IQSEC1: variants seen among roughly 807,000 people sequenced by gnomAD.
IQSEC1 encodes IQ motif and SEC7 domain-containing protein 1.
In IQSEC1, 31 loss-of-function variants were observed where a neutral mutation model predicts 91.0. The observed-to-expected ratio is 0.34, with a 90% CI of 0.26 to 0.46. The LOEUF is 0.46. Ranked by LOEUF, IQSEC1 falls within the 20% of genes least tolerant of loss-of-function variation. IQSEC1 has a pLI of 1.00. For synonymous variants in IQSEC1, 699 were observed against 662.6 expected, an observed-to-expected ratio of 1.05 and a Z score of -0.84; for missense variants, 1,388 against 1,575.6, an observed-to-expected ratio of 0.88 and a Z score of 2.02.
At chr3:12,929,996 A>G (rs547046010) in intron 3 of IQSEC1, among the ~76,000 whole-genome samples, 10 of 152,206 alleles carry the variant, frequency 6.6e-5, no homozygotes, top group Non-Finnish European at 1.2e-4. Flanking sequence ...CTGCACACGC[A>G]TCTCTCATCG....
At chr3:13,234,917 T>C (rs1002852362) in intron 1 of IQSEC1, among the ~76,000 whole-genome samples, 3 of 152,156 alleles carry the variant, frequency 2.0e-5, no homozygotes, top group South Asian at 2.1e-4. Flanking sequence ...CAAATGTGAT[T>C]TGAGTTTGCC....
chr3:12,955,002 G>A (rs943034723), intron 1 of IQSEC1, among the ~76,000 whole-genome samples: 6 of 152,210 alleles, frequency 3.9e-5, no homozygotes, highest in South Asian at 2.1e-4. Context: ...TGGGGGCACC[G>A]AAGCCTGGAG....
chr3:13,108,080 C>T (rs942210593), intron 2 of IQSEC1, among the ~76,000 whole-genome samples: 2 of 152,240 alleles, frequency 1.3e-5, no homozygotes, highest in African/African-American at 4.8e-5. Flanking sequence ...GCCTGGAACC[C>T]ACCAGTCTAC....
chr3:12,922,303 A>ACCC lies in IQSEC1; in HGVS notation c.1731-64_1731-62dup. ...CTTGCAGGTGCGACACGCCCAGCCC[A>ACCC]CCCCCAGGTGGTGGTGCCTGAAGCC... On this transcript the variant is annotated intron_variant, in intron 4 of 13. Coordinates refer to ENST00000613206, the MANE Select transcript of IQSEC1 (RefSeq NM_001134382.3). This position sits in a 1 kb window ranked among gnomAD's most constrained non-coding sequence, Gnocchi z 5.1. 6.9e-7 allele frequency: 1 copy of ACCC among 1,453,366 alleles called. No homozygotes were observed. Among genetic ancestry groups the ACCC allele is most frequent in the Non-Finnish European group, 9.2e-7 (1 of 1,089,384 alleles). The allele number at this position is 1,453,366 out of a possible 1,614,324, so 90.0% of individuals were successfully genotyped here.
chr3:12,935,770 GGCTCTTGGGGGCGCC>G lies in IQSEC1; in HGVS notation c.1231_1245del (p.Gly411_Ser415del). 2 of 1,607,928 alleles carry G rather than the reference GGCTCTTGGGGGCGCC, an allele frequency of 1.2e-6. No homozygotes were observed. Among genetic ancestry groups the G allele is most frequent in the Non-Finnish European group, 1.7e-6 (2 of 1,179,742 alleles). On this transcript the variant is annotated inframe_deletion, in exon 3 of 14. Coordinates refer to ENST00000613206, the MANE Select transcript of IQSEC1 (RefSeq NM_001134382.3). The surrounding 1 kb of genome is among the most constrained non-coding windows in gnomAD (Gnocchi z 8.0). ...CGCAACTCAGGCTCCTCCCGGGGGA[GGCTCTTGGGGGCGCC>G]GCTGTGGGGACCATGCTTGGGACTG...
At chr3:12,916,556 C>A (rs577690024) in intron 6 of IQSEC1, among the ~76,000 whole-genome samples, 1 of 152,340 alleles carries the variant, frequency 6.6e-6, no homozygotes, top group Non-Finnish European at 1.5e-5. Flanking sequence ...GGAACATGGA[C>A]CTCCCACAGA....
At chr3:13,167,452 G>A (rs1194274231) in intron 1 of IQSEC1, among the ~76,000 whole-genome samples, 2 of 152,206 alleles carry the variant, frequency 1.3e-5, no homozygotes, top group East Asian at 1.9e-4. Context: ...TTATACCAGG[G>A]CCGAAGCAGC....
Position 13,210,448 on chromosome 3 carries a change from T to C in IQSEC1, c.273-46315A>G, listed in dbSNP as rs534297798. ...GGAACCGCAATCTCCAAGCCCCCAC[T>C]GCCACCTCCACTGCAGAGGCACCAG... On this transcript the variant is annotated intron_variant, in intron 1 of 15. Transcript: ENST00000648114. Among the ~76,000 whole-genome samples the C allele has an allele frequency of 1.1e-4, 17 of 152,208 alleles. No homozygotes were observed. In the East Asian group the frequency reaches 3.3e-3, roughly 29 times the overall value.
rs182259398 is a variant in IQSEC1, at chr3:13,112,045, C to T, written c.302+52059G>A. Among the ~76,000 whole-genome samples the T allele has an allele frequency of 9.8e-5, 15 of 152,292 alleles. No homozygotes were observed. The East Asian group carries it at 1.2e-3, about 12-fold the overall frequency. On this transcript the variant is annotated intron_variant, in intron 2 of 15. Coordinates refer to the IQSEC1 transcript ENST00000648114. ...CTCATTGCTGTTCCCTGCACTTGCC[C>T]GCTTTGCACACGCTGTTCCCCTGGT...
chr3:12,908,591 C>T lies in IQSEC1; in HGVS notation c.2579-66G>A, dbSNP rs970765160. 7.1e-6 allele frequency: 11 copies of T among 1,553,502 alleles called. No homozygotes were observed. The highest frequency in any genetic ancestry group is 4.1e-5 in the African/African-American group (3 of 73,678). On this transcript the variant is annotated intron_variant, in intron 11 of 13. Transcript: ENST00000613206. This position sits in a 1 kb window ranked among gnomAD's most constrained non-coding sequence, Gnocchi z 4.9. ...GCCTAGAGTGGGCAGGAGACGGGGC[C>T]TTCTGCTTGGAGCTAGCACTGTCCT...
chr3:13,076,411 G>A (rs1705562479), upstream of IQSEC1, among the ~76,000 whole-genome samples: 1 of 152,150 alleles, frequency 6.6e-6, no homozygotes, highest in South Asian at 2.1e-4. Flanking sequence ...CCCTCAACGG[G>A]AAAATTTCCA....
At chr3:13,255,731 C>T (rs1448763482) in intron 1 of IQSEC1, among the ~76,000 whole-genome samples, 1 of 152,138 alleles carries the variant, frequency 6.6e-6, no homozygotes, top group Non-Finnish European at 1.5e-5. Flanking sequence ...ATCCTCCCAC[C>T]TCAGCCTCCT....
intron 1 of IQSEC1, among the ~76,000 whole-genome samples, chr3:13,176,491 G>GTC (rs565350884): frequency 4.6e-5 from 7 of 152,108 alleles, no homozygotes; most frequent in Non-Finnish European, 5.9e-5. Flanking sequence ...GAAAACCATG[G>GTC]TCTCTCTCTC....
Position 12,935,345 on chromosome 3 carries a change from G to A in IQSEC1, c.1568+103C>T, listed in dbSNP as rs1296008510. The A allele has an allele frequency of 1.3e-5, 15 of 1,174,636 alleles. No individual in the cohort carries two copies. The Admixed American group carries it at 2.0e-4, about 16-fold the overall frequency. 72.8% of individuals were successfully genotyped at this position (1,174,636 alleles called of 1,614,324 possible). ...GCAGCTTCCTATGCTCATAGGCCAC[G>A]GTGGACCTCAAGCTCCGTGCTTGGA... On this transcript the variant is annotated intron_variant, in intron 3 of 13. Transcript: ENST00000613206. This position sits in a 1 kb window ranked among gnomAD's most constrained non-coding sequence, Gnocchi z 8.0.
At chr3:12,915,873 G>C in intron 6 of IQSEC1, 140 bp from the exon 7 acceptor site, 1 of 957,054 alleles carries the variant, frequency 1.0e-6, no homozygotes. Flanking sequence ...ACAGCAACAG[G>C]ACATTTTCAG....
intron 1 of IQSEC1, among the ~76,000 whole-genome samples, chr3:13,234,273 A>AGCCCCC (rs1694885082): frequency 9.0e-5 from 13 of 144,988 alleles, no homozygotes; most frequent in East Asian, 8.2e-4. Flanking sequence ...TGTGGGTGTG[A>AGCCCCC]GTCCCCGTGT....
chr3:13,046,585 A>C (rs1437000526), intron 1 of IQSEC1, among the ~76,000 whole-genome samples: 12 of 148,866 alleles, frequency 8.1e-5, no homozygotes, highest in African/African-American at 3.0e-4. Context: ...TTGTTCAAAA[A>C]CCCCCTCTCC....
At chr3:13,049,551 C>T (rs541329731) in intron 1 of IQSEC1, among the ~76,000 whole-genome samples, 3 of 152,274 alleles carry the variant, frequency 2.0e-5, no homozygotes, top group East Asian at 3.9e-4. Flanking sequence ...ACCCCACACA[C>T]GGAACACCAT....
At chr3:13,271,335 C>A (rs185496007) in intron 1 of IQSEC1, among the ~76,000 whole-genome samples, 2 of 152,184 alleles carry the variant, frequency 1.3e-5, no homozygotes, top group Admixed American at 6.5e-5. Flanking sequence ...CGAGATGGCA[C>A]CACTGTACTC....
Sources: allele counts gnomAD v4.1 joint callset (sites outside exome capture counted in the v4.1 genomes callset), GRCh38; gene constraint gnomAD v4.1.1; non-coding constraint Gnocchi (gnomAD v3.1); transcripts MANE v1.5; gene names NCBI Gene and HGNC (gene_info 2026-07-23, HGNC 2026-07-21).